Variants in MRPL54 observed in about 807,000 individuals in gnomAD.
MRPL54 encodes the protein mitochondrial ribosomal protein L54, also known as large ribosomal subunit protein mL54.
In MRPL54, 12 loss-of-function variants were observed where a neutral mutation model predicts 15.6. That is an observed-to-expected ratio of 0.77 (90% CI 0.49 to 1.24). The LOEUF is 1.24. Among genes scored for constraint, MRPL54 ranks in the 50% most tolerant of loss-of-function variants. The probability of loss-of-function intolerance (pLI) is 0.00; values close to 1 mark genes in which losing one functional copy is unlikely to be tolerated. For missense variants in MRPL54, 178 were observed against 186.8 expected (o/e 0.95, Z 0.28); for synonymous variants, 91 against 75.7 (o/e 1.20, Z -1.05).
intron 2 of MRPL54, among the ~76,000 whole-genome samples, chr19:3,766,250 G>A (rs1427084491): frequency 1.3e-5 from 2 of 152,050 alleles, no homozygotes; most frequent in Non-Finnish European, 2.9e-5. Context: ...GCTAATTTTT[G>A]TATTTTTAGT....
chr19:3,764,319 G>C (rs1226201112), intron 1 of MRPL54, among the ~76,000 whole-genome samples: 1 of 151,988 alleles, frequency 6.6e-6, no homozygotes, highest in Non-Finnish European at 1.5e-5. Context: ...TCCTGACCTC[G>C]TGATCCGCCC....
chr19:3,767,405 C>G lies in MRPL54; in HGVS notation c.*12C>G, dbSNP rs749270186. On this transcript the variant is annotated 3_prime_UTR_variant, in exon 3 of 3. Coordinates refer to ENST00000330133, the MANE Select transcript of MRPL54 (RefSeq NM_172251.3). ...ACAAGAGGTTGTAGCATGGAGGGCC[C>G]GGCATCGCTGACCCCCACGCCGAGG... 11 of 1,606,622 alleles carry G rather than the reference C, an allele frequency of 6.8e-6. No homozygotes were observed. In the African/African-American group the frequency reaches 1.5e-4, roughly 22 times the overall value.
chr19:3,766,609 C>T (rs958863893), intron 2 of MRPL54, among the ~76,000 whole-genome samples: 1 of 152,224 alleles, frequency 6.6e-6, no homozygotes, highest in African/African-American at 2.4e-5. Context: ...CCCACCCTGG[C>T]GGAGCTAGCT....
chr19:3,764,847 T>C (rs1233497383), intron 1 of MRPL54, among the ~76,000 whole-genome samples: 1 of 151,394 alleles, frequency 6.6e-6, no homozygotes, highest in Admixed American at 6.6e-5. Context: ...GCTAACACGG[T>C]GAAACCCCGT....
Position 3,767,547 on chromosome 19 carries a change from G to C in MRPL54, c.*154G>C, listed in dbSNP as rs2145733022. The C allele has an allele frequency of 9.5e-7, 1 of 1,056,042 alleles. No homozygotes were observed. The highest frequency in any genetic ancestry group is 1.3e-6 in the Non-Finnish European group (1 of 747,076). The allele number at this position is 1,056,042 out of a possible 1,614,324, so 65.4% of individuals were successfully genotyped here. ...CCAGGGCCCTGGAGGCCAATAAAGA[G>C]CTTTCTGGGTAGACCCTATTTCCCC... On this transcript the variant is annotated 3_prime_UTR_variant, in exon 3 of 3. Coordinates refer to ENST00000330133, the MANE Select transcript of MRPL54 (RefSeq NM_172251.3).
intron 1 of MRPL54, among the ~76,000 whole-genome samples, chr19:3,763,608 G>C (rs1007230924): frequency 1.0e-5 from 1 of 99,852 alleles, no homozygotes; most frequent in Non-Finnish European, 1.9e-5. Context: ...GCAGGACCCT[G>C]TTTGTATAAA....
chr19:3,766,769 G>A (rs2037201950), intron 2 of MRPL54, among the ~76,000 whole-genome samples: 1 of 152,232 alleles, frequency 6.6e-6, no homozygotes, highest in South Asian at 2.1e-4. Flanking sequence ...GTGGGTGGAA[G>A]GGGCTTTCCA....
At position 3,767,326 on chromosome 19, in the gene MRPL54, A is replaced by C; in HGVS notation, c.350A>C (p.Tyr117Ser). 1 of 1,611,414 alleles carries C rather than the reference A, an allele frequency of 6.2e-7. No homozygotes were observed. The highest frequency in any genetic ancestry group is 8.5e-7 in the Non-Finnish European group (1 of 1,179,060). The change falls in exon 3 of 3, where the codon TAC (tyrosine) becomes TCC (serine). Residue 117 changes from tyrosine (Y) to serine (S), a missense_variant. By Grantham distance (144) the Tyr-to-Ser change is moderately radical. Coordinates refer to ENST00000330133, the MANE Select transcript of MRPL54 (RefSeq NM_172251.3). ...GAGCTGGACCCCGAGAGCCGGGAGT[A>C]CTGGCGGCGGCTGCGGAAACAGAAC... ...LEELDPESRE[Y>S]WRRLRKQNIW...
rs989692105 is a variant in MRPL54 at position 3,765,961 on chromosome 19, GA to G, written c.284+632del. 2.3e-4 allele frequency among the ~76,000 whole-genome samples: 35 copies of G among 151,286 alleles called. 1 individual carries two copies. The highest frequency in any genetic ancestry group is 8.2e-4 in the African/African-American group (34 of 41,292). ...GAGTCTTGCTCTGTCACCCAGTGTGGAATGCAGTCATGTGGTCTTGGCTCAC... is the reference window on the plus strand; with the variant it reads ...GAGTCTTGCTCTGTCACCCAGTGTGGATGCAGTCATGTGGTCTTGGCTCAC... On this transcript the variant is annotated intron_variant, in intron 2 of 2. Coordinates refer to ENST00000330133, the MANE Select transcript of MRPL54 (RefSeq NM_172251.3).
rs1329199294 is a variant in MRPL54, at chr19:3,767,302, A to C, written c.326A>C (p.Glu109Ala). The change falls in exon 3 of 3, where the codon GAG (glutamate) becomes GCG (alanine). Residue 109 changes from glutamate to alanine, a missense_variant. Physicochemically the swap from Glu to Ala is moderately radical, Grantham distance 107. Transcript: ENST00000330133. ...TTGGGTCCCCCAAAGACCCTGGAGG[A>C]GCTGGACCCCGAGAGCCGGGAGTAC... ...MNLGPPKTLEELDPESREYWR... is the reference protein window; with the variant it reads ...MNLGPPKTLEALDPESREYWR... 6.2e-7 allele frequency: 1 copy of C among 1,612,274 alleles called. No individual in the cohort carries two copies. The highest frequency in any genetic ancestry group is 8.5e-7 in the Non-Finnish European group (1 of 1,179,388).
intron 1 of MRPL54, 33 bp downstream of exon 1, chr19:3,762,851 G>A: frequency 2.7e-6 from 4 of 1,494,762 alleles, no homozygotes; most frequent in African/African-American, 1.4e-5. Flanking sequence ...AAATGGGGAC[G>A]GTGGGTGCAC....
Position 3,767,342 on chromosome 19 carries a change from G to A in MRPL54, c.366G>A (p.Arg122=). 6.2e-7 allele frequency: 1 copy of A among 1,610,604 alleles called. No homozygotes were observed. The highest frequency in any genetic ancestry group is 8.5e-7 in the Non-Finnish European group (1 of 1,178,788). Residue 122 remains arginine (R), a synonymous_variant, in exon 3 of 3, where the codon CGG becomes CGA. Transcript: ENST00000330133. ...GCCGGGAGTACTGGCGGCGGCTGCG[G>A]AAACAGAACATCTGGCGCCACAACC... ...PESREYWRRL[R]KQNIWRHNRL... is the part of the protein sequence containing the mutation.
chr19:3,766,987 T>C (rs1175136974), intron 2 of MRPL54, among the ~76,000 whole-genome samples: 2 of 151,848 alleles, frequency 1.3e-5, no homozygotes, highest in East Asian at 1.9e-4. Context: ...GCTGAGCAAG[T>C]GGGGGCAGGT....
Position 3,765,153 on chromosome 19 carries a change from C to T in MRPL54, c.119-13C>T. On this transcript the variant is annotated splice_polypyrimidine_tract_variant and intron_variant, in intron 1 of 2. Coordinates refer to ENST00000330133, the MANE Select transcript of MRPL54 (RefSeq NM_172251.3). ...GGGCTGGGCTGAAATGACTCTCCCT[C>T]TCGTCTCCCCAGTTATGAAGGGGGC... 1 of 1,601,642 alleles carries T rather than the reference C, an allele frequency of 6.2e-7. No individual in the cohort carries two copies.
Position 3,767,427 on chromosome 19 carries a change from G to A in MRPL54, c.*34G>A, listed in dbSNP as rs766782435. The A allele has an allele frequency of 5.0e-6, 8 of 1,596,736 alleles. No homozygotes were observed. The highest frequency in any genetic ancestry group is 4.1e-5 in the African/African-American group (3 of 73,670). On this transcript the variant is annotated 3_prime_UTR_variant, in exon 3 of 3. Transcript: ENST00000330133. The stretch of plus-strand genomic sequence containing the variant: ...GCCCGGCATCGCTGACCCCCACGCC[G>A]AGGGCTTGCCGTTTTCCCGGAGGAC...
Position 3,767,420 on chromosome 19 carries a change from C to T in MRPL54, c.*27C>T. The T allele has an allele frequency of 6.2e-7, 1 of 1,601,238 alleles. No homozygotes were observed. Among genetic ancestry groups the T allele is most frequent in the Non-Finnish European group, 8.5e-7 (1 of 1,175,992 alleles). ...ATGGAGGGCCCGGCATCGCTGACCC[C>T]CACGCCGAGGGCTTGCCGTTTTCCC... is the stretch of plus-strand genomic sequence containing the variant. On this transcript the variant is annotated 3_prime_UTR_variant, in exon 3 of 3. Transcript: ENST00000330133.
chr19:3,764,046 T>C (rs1599181080), intron 1 of MRPL54, among the ~76,000 whole-genome samples: 1 of 152,024 alleles, frequency 6.6e-6, no homozygotes, highest in Non-Finnish European at 1.5e-5. Context: ...TGAGCCATGA[T>C]TGTGCCCCTG....
intron 2 of MRPL54, 32 bp from the exon 3 acceptor site, chr19:3,767,229 G>A (rs373647106): frequency 1.6e-5 from 25 of 1,602,168 alleles, no homozygotes; most frequent in Non-Finnish European, 2.0e-5. Context: ...GGGTCACCGT[G>A]TAGCTCTGAT....
Position 3,762,806 on chromosome 19 carries a change from G to C in MRPL54, c.106G>C (p.Ala36Pro). The C allele has an allele frequency of 6.3e-7, 1 of 1,584,426 alleles. No homozygotes were observed. Among genetic ancestry groups the C allele is most frequent in the Middle Eastern group, 1.7e-4 (1 of 5,944 alleles). Residue 36 changes from alanine to proline, a missense_variant, in exon 1 of 3, where the codon GCC (alanine) becomes CCC (proline). Coordinates refer to ENST00000330133, the MANE Select transcript of MRPL54 (RefSeq NM_172251.3). ...TSGRLLARDYAKKPVMKGAKS... is the reference protein window; with the variant it reads ...TSGRLLARDYPKKPVMKGAKS... ...CGGAAGACTCCTGGCCCGGGATTAT[G>C]CCAAGAAACCAGGTGAGCTGGGTTA...
Sources: gnomAD v4.1 joint callset for allele counts (sites outside exome capture counted in the v4.1 genomes callset) on GRCh38, gnomAD v4.1.1 for gene constraint, MANE v1.5 for transcripts, NCBI Gene and HGNC (gene_info 2026-07-23, HGNC 2026-07-21) for gene names.